The following SCHIP1 variants were observed in gnomAD, a reference collection of about 807,000 sequenced individuals.
SCHIP1 encodes the protein schwannomin interacting protein 1, also known as schwannomin-interacting protein 1.
Under a neutral mutation model 29.7 loss-of-function variants are expected in SCHIP1, and 8 were observed. The ratio of observed to expected loss-of-function variants is 0.27; its 90% CI spans 0.16 to 0.49. The LOEUF (loss-of-function observed/expected upper bound fraction) is 0.49. Among genes scored for constraint, SCHIP1 ranks in the 20% least tolerant of loss-of-function variants. The probability of loss-of-function intolerance (pLI) is 0.99; values close to 1 mark genes in which losing one functional copy is unlikely to be tolerated. For missense variants in SCHIP1, 193 were observed against 294.6 expected (o/e 0.66, Z 2.52); for synonymous variants, 76 against 94.9 (o/e 0.80, Z 1.16).
chr3:159,563,840 GT>G, the SCHIP1 span, among the ~76,000 whole-genome samples: 1 of 151,974 alleles, frequency 6.6e-6, no homozygotes, highest in Non-Finnish European at 1.5e-5. Context: ...GAAAAAAAAA[GT>G]AGAAGGAAAA....
intron 1 of SCHIP1, among the ~76,000 whole-genome samples, chr3:159,850,928 A>G (rs1712540475): frequency 6.6e-6 from 1 of 152,170 alleles, no homozygotes; most frequent in Admixed American, 6.6e-5. Context: ...ACAGATCCAA[A>G]CCACATATCT....
the SCHIP1 span, among the ~76,000 whole-genome samples, chr3:159,813,089 G>A: frequency 6.6e-6 from 1 of 152,154 alleles, no homozygotes; most frequent in East Asian, 1.9e-4. Flanking sequence ...GCCTCTTAAA[G>A]GTTCCACCAC....
chr3:159,556,950 T>TA, the SCHIP1 span, among the ~76,000 whole-genome samples: 47 of 148,012 alleles, frequency 3.2e-4, no homozygotes, highest in African/African-American at 5.2e-4. Flanking sequence ...TAAAAAAATT[T>TA]AAAAAAAAAA....
exon 7 of SCHIP1, chr3:159,896,821 T>C: frequency 6.4e-7 from 1 of 1,571,850 alleles, no homozygotes; most frequent in Non-Finnish European, 8.6e-7. Flanking sequence ...ATTTTGCTTC[T>C]GTGGTTGTAA....
the SCHIP1 span, among the ~76,000 whole-genome samples, chr3:159,828,799 T>C: frequency 6.5e-3 from 984 of 152,270 alleles, 8 homozygotes; most frequent in Non-Finnish European, 8.8e-3. Flanking sequence ...CAAGGCTATC[T>C]GTGCTGCTAA....
At chr3:159,569,345 G>T in the SCHIP1 span, among the ~76,000 whole-genome samples, 1 of 152,130 alleles carries the variant, frequency 6.6e-6, no homozygotes, top group African/African-American at 2.4e-5. Flanking sequence ...AGGCCCCAGT[G>T]TGTGATGTTC....
At chr3:159,846,877 A>T (rs1018696951) in intron 1 of SCHIP1, among the ~76,000 whole-genome samples, 1 of 149,310 alleles carries the variant, frequency 6.7e-6, no homozygotes. Flanking sequence ...ATTTATATGC[A>T]TTTTTTTTTT....
the SCHIP1 span, among the ~76,000 whole-genome samples, chr3:159,694,087 G>A: frequency 2.0e-5 from 3 of 152,050 alleles, no homozygotes; most frequent in African/African-American, 7.2e-5. Flanking sequence ...AAGAACTAAG[G>A]TTTCCTTCTT....
the SCHIP1 span, among the ~76,000 whole-genome samples, chr3:159,660,719 T>G: frequency 6.6e-6 from 1 of 152,206 alleles, no homozygotes; most frequent in East Asian, 1.9e-4. Flanking sequence ...AGTCTATGAA[T>G]TTGAAGTTCT....
the SCHIP1 span, among the ~76,000 whole-genome samples, chr3:159,304,106 T>C: frequency 2.7e-5 from 4 of 150,294 alleles, no homozygotes; most frequent in African/African-American, 7.3e-5. Flanking sequence ...AGTGAGAATA[T>C]ACGGTGTTTG....
chr3:159,837,715 C>T (rs1473867064), upstream of SCHIP1, among the ~76,000 whole-genome samples: 1 of 151,580 alleles, frequency 6.6e-6, no homozygotes, highest in Non-Finnish European at 1.5e-5. Context: ...GACTCCATCC[C>T]CCGCCCGAAA....
chr3:159,396,746 C>G, the SCHIP1 span, among the ~76,000 whole-genome samples: 12 of 151,562 alleles, frequency 7.9e-5, no homozygotes, highest in African/African-American at 2.9e-4. Flanking sequence ...CTCTGGCTGC[C>G]CTTAACATTT....
At chr3:159,407,922 AAAG>A in the SCHIP1 span, among the ~76,000 whole-genome samples, 2 of 152,182 alleles carry the variant, frequency 1.3e-5, no homozygotes, top group South Asian at 2.1e-4. Flanking sequence ...TGCCTACATC[AAAG>A]AAGAAGAAAA....
the SCHIP1 span, among the ~76,000 whole-genome samples, chr3:159,714,174 T>G: frequency 6.6e-6 from 1 of 152,146 alleles, no homozygotes; most frequent in African/African-American, 2.4e-5. Context: ...GAGGCAGGGT[T>G]GCAGTGAGCT....
At chr3:159,339,074 G>A in the SCHIP1 span, among the ~76,000 whole-genome samples, 1 of 151,910 alleles carries the variant, frequency 6.6e-6, no homozygotes, top group Non-Finnish European at 1.5e-5. Flanking sequence ...TAGGTTCCAT[G>A]GCCATTTACA....
chr3:159,650,464 G>A, the SCHIP1 span, among the ~76,000 whole-genome samples: 1 of 152,220 alleles, frequency 6.6e-6, no homozygotes, highest in African/African-American at 2.4e-5. Flanking sequence ...GATGTAGAGT[G>A]GGTATAGAGA....
the SCHIP1 span, among the ~76,000 whole-genome samples, chr3:159,395,159 G>C: frequency 6.6e-6 from 1 of 152,024 alleles, no homozygotes. Context: ...TGGGATCGGT[G>C]GTGATATCCC....
the SCHIP1 span, among the ~76,000 whole-genome samples, chr3:159,581,194 A>G: frequency 6.6e-6 from 1 of 152,166 alleles, no homozygotes; most frequent in South Asian, 2.1e-4. Context: ...TAAAAATCCT[A>G]GGCATTATAT....
At chr3:159,537,120 G>A in the SCHIP1 span, among the ~76,000 whole-genome samples, 1 of 152,216 alleles carries the variant, frequency 6.6e-6, no homozygotes, top group East Asian at 1.9e-4. Flanking sequence ...AAGAAATGCA[G>A]GATATTAGGC....
Sources: allele counts gnomAD v4.1 joint callset (sites outside exome capture counted in the v4.1 genomes callset), GRCh38; gene constraint gnomAD v4.1.1; transcripts MANE v1.5; gene names NCBI Gene and HGNC (gene_info 2026-07-23, HGNC 2026-07-21).